Variants in ETNK1 observed in about 807,000 individuals in gnomAD.
ETNK1 encodes the protein ethanolamine kinase 1.
In ETNK1, 8 loss-of-function variants were observed where a neutral mutation model predicts 45.1. The ratio of observed to expected loss-of-function variants is 0.18; its 90% confidence interval spans 0.10 to 0.32. The LOEUF is 0.32. ETNK1 is among the 10% of genes least tolerant of loss of function. The pLI is 1.00. For missense variants in ETNK1, 302 were observed against 430.6 expected (o/e 0.70, Z 2.64); for synonymous variants, 152 against 151.9 (o/e 1.00, Z -0.01).
intron 2 of ETNK1, among the ~76,000 whole-genome samples, chr12:22,647,842 T>A (rs1264115258): frequency 6.6e-6 from 1 of 151,988 alleles, no homozygotes; most frequent in Non-Finnish European, 1.5e-5. Flanking sequence ...TTGAAACATT[T>A]GGCTTTAACG....
chr12:22,660,912 C>T (rs1323692370), intron 3 of ETNK1, 151 bp from the exon 4 acceptor site: 10 of 613,664 alleles, frequency 1.6e-5, no homozygotes, highest in African/African-American at 5.8e-5. Context: ...TTTCTTTATT[C>T]TAACTTTTGA....
At chr12:22,637,547 C>T (rs1953671372) in intron 1 of ETNK1, among the ~76,000 whole-genome samples, 1 of 152,012 alleles carries the variant, frequency 6.6e-6, no homozygotes, top group Non-Finnish European at 1.5e-5. Context: ...GCACATGTGC[C>T]TTTGTATGTG....
At chr12:22,649,654 C>T (rs538844786) in intron 2 of ETNK1, among the ~76,000 whole-genome samples, 4 of 152,174 alleles carry the variant, frequency 2.6e-5, no homozygotes, top group African/African-American at 9.6e-5. Flanking sequence ...TGTTAGTCCT[C>T]CAACTTGTTC....
intron 1 of ETNK1, among the ~76,000 whole-genome samples, chr12:22,637,212 G>T (rs535089267): frequency 6.6e-6 from 1 of 152,308 alleles, no homozygotes; most frequent in South Asian, 2.1e-4. Context: ...ATTAAGCCGG[G>T]GCAGTCATAG....
At position 22,686,666 on chromosome 12, in the gene ETNK1, T is replaced by C. The variant is rs1386539837; in HGVS notation, c.*1712T>C. The stretch of plus-strand genomic sequence containing the variant: ...TCCCCAATGTTATAAATGTTCACTT[T>C]TGTTTTTATAAACCATATTACTGTA... On this transcript the variant is annotated 3_prime_UTR_variant, in exon 8 of 8. Coordinates refer to ENST00000266517, the MANE Select transcript of ETNK1 (RefSeq NM_018638.5). 6 of 152,258 alleles carry C rather than the reference T, an allele frequency of 3.9e-5. No individual in the cohort carries two copies. The highest frequency in any genetic ancestry group is 1.4e-4 in the African/African-American group (6 of 41,430). The allele number at this position is 152,258 out of a possible 1,614,324, so 9.4% of individuals were successfully genotyped here.
At chr12:22,639,607 G>A (rs550610530) in intron 1 of ETNK1, among the ~76,000 whole-genome samples, 145 of 152,118 alleles carry the variant, frequency 9.5e-4, no homozygotes, top group Non-Finnish European at 1.5e-3. Context: ...AACCTGGGGG[G>A]CGGAGGTTGC....
chr12:22,684,947 CT>C lies in ETNK1; in HGVS notation c.1086del (p.Glu363SerfsTer6). On this transcript the variant is annotated frameshift_variant, in exon 8 of 8. Transcript: ENST00000266517. LOFTEE classifies it high-confidence loss of function. ...CCTGAGGTTACTGCATTAAAAGTGC[CT>C]GAGTAAAGAAGAGATTTAATTATTC... is the stretch of plus-strand genomic sequence containing the variant. ...MKPEVTALKV[P>X]E 2 of 1,602,102 alleles carry C rather than the reference CT, an allele frequency of 1.2e-6. No homozygotes were observed. Among genetic ancestry groups the C allele is most frequent in the Non-Finnish European group, 1.7e-6 (2 of 1,174,454 alleles).
intron 2 of ETNK1, chr12:22,656,766 A>G (rs910639798): frequency 2.0e-6 from 2 of 981,602 alleles, no homozygotes; most frequent in Non-Finnish European, 2.4e-6. Flanking sequence ...TAGAAATGAT[A>G]TTATTTTTCA....
chr12:22,671,227 C>A, intron 4 of ETNK1, 45 bp from the exon 5 acceptor site: 1 of 1,309,734 alleles, frequency 7.6e-7, no homozygotes, highest in Non-Finnish European at 1.1e-6. Context: ...ATTTTCTGAT[C>A]TTATATGTGA....
intron 2 of ETNK1, among the ~76,000 whole-genome samples, chr12:22,645,979 A>G (rs981868169): frequency 6.6e-6 from 1 of 151,826 alleles, no homozygotes; most frequent in African/African-American, 2.4e-5. Flanking sequence ...GAATTCTTTG[A>G]CAGCTGGCTT....
In ETNK1 at chr12:22,659,147, A is replaced by C; in HGVS notation, c.550A>C (p.Asn184His). Residue 184 changes from asparagine (N) to histidine (H), a missense_variant, in exon 3 of 8, where the codon AAT becomes CAT. By Grantham distance (68) the Asn-to-His change is moderately conservative. Around this residue, in one of 3 missense-constraint regions of ETNK1, gnomAD observed 205 missense variants for 259.9 expected, o/e 0.79. Coordinates refer to ENST00000266517, the MANE Select transcript of ETNK1 (RefSeq NM_018638.5). ...CACAGGATTTGCAGATGAAGACATTAATAAAAGGTAAAATTATTTTTACAT... is the reference window on the plus strand; with the variant it reads ...CACAGGATTTGCAGATGAAGACATTCATAAAAGGTAAAATTATTTTTACAT... ...IPTGFADEDI[N>H]KRFLSDIPSS... is the part of the protein sequence containing the mutation. 1 of 1,612,104 alleles carries C rather than the reference A, an allele frequency of 6.2e-7. No individual in the cohort carries two copies. Among genetic ancestry groups the C allele is most frequent in the South Asian group, 1.1e-5 (1 of 90,716 alleles).
At chr12:22,627,478 C>CT (rs1053308227) in intron 1 of ETNK1, among the ~76,000 whole-genome samples, 1 of 152,096 alleles carries the variant, frequency 6.6e-6, no homozygotes, top group Non-Finnish European at 1.5e-5. Flanking sequence ...AGAAGCTGTC[C>CT]TAAAAGCATC....
chr12:22,659,893 C>CAAT (rs1490386764), intron 3 of ETNK1, among the ~76,000 whole-genome samples: 4 of 151,646 alleles, frequency 2.6e-5, no homozygotes, highest in African/African-American at 9.7e-5. Context: ...ACCCTTGCCC[C>CAAT]AATAGAAAAT....
At chr12:22,647,498 G>A (rs1953821836) in intron 2 of ETNK1, among the ~76,000 whole-genome samples, 1 of 151,730 alleles carries the variant, frequency 6.6e-6, no homozygotes, top group Non-Finnish European at 1.5e-5. Flanking sequence ...ATATAACTAA[G>A]GTACCTCAAC....
Position 22,690,235 on chromosome 12 carries a change from G to A in ETNK1, c.*5281G>A, listed in dbSNP as rs914380021. The stretch of plus-strand genomic sequence containing the variant: ...ATGTATTGATACCTCTTAAATGAAT[G>A]CAACTTTTGATGTAGGTGTTTTGCT... On this transcript the variant is annotated 3_prime_UTR_variant, in exon 8 of 8. Transcript: ENST00000266517. 1 of 152,448 alleles carries A rather than the reference G, an allele frequency of 6.6e-6. No homozygotes were observed. Among genetic ancestry groups the A allele is most frequent in the Non-Finnish European group, 1.5e-5 (1 of 67,914 alleles). 9.4% of individuals were successfully genotyped at this position (152,448 alleles called of 1,614,324 possible). A position where few individuals can be genotyped will look rare whatever the true frequency, so the allele number is the denominator to read the frequency against.
intron 2 of ETNK1, among the ~76,000 whole-genome samples, chr12:22,650,176 G>T (rs531038096): frequency 1.3e-5 from 2 of 151,186 alleles, no homozygotes; most frequent in East Asian, 1.9e-4. Flanking sequence ...TGCTCATTCC[G>T]CGAGGTTTTT....
chr12:22,673,122 G>A (rs903655075), intron 5 of ETNK1, among the ~76,000 whole-genome samples: 2 of 152,192 alleles, frequency 1.3e-5, no homozygotes, highest in East Asian at 3.9e-4. Context: ...CTTACCATGA[G>A]TCATGGTTTG....
At chr12:22,679,966 A>G (rs1954198478) in intron 6 of ETNK1, among the ~76,000 whole-genome samples, 1 of 152,166 alleles carries the variant, frequency 6.6e-6, no homozygotes. Context: ...TGTTGGGATT[A>G]CAGGTGTGAG....
chr12:22,671,445 G>T (rs536103253), intron 5 of ETNK1, 90 bp downstream of exon 5: 2 of 880,512 alleles, frequency 2.3e-6, no homozygotes, highest in East Asian at 5.0e-5. Context: ...CGTGAGCAGG[G>T]GGAACATTTT....
Sources: gnomAD v4.1 joint callset for allele counts (sites outside exome capture counted in the v4.1 genomes callset) on GRCh38, gnomAD v4.1.1 for gene constraint, gnomAD v4.1.1 regional missense constraint, MANE v1.5 for transcripts, NCBI Gene and HGNC (gene_info 2026-07-23, HGNC 2026-07-21) for gene names.